ARMC9: variants seen among roughly 807,000 people sequenced by gnomAD.
The protein encoded by ARMC9 is lisH domain-containing protein ARMC9.
In ARMC9, 94 loss-of-function variants were observed where a neutral mutation model predicts 107.0. The ratio of observed to expected loss-of-function variants is 0.88; its 90% CI spans 0.74 to 1.04. ARMC9 has a LOEUF of 1.04. ARMC9 is among the 50% of genes least tolerant of loss of function. The pLI is 0.00. For missense variants in ARMC9, 942 were observed against 1,030.1 expected (o/e 0.91, Z 1.17); for synonymous variants, 380 against 396.9 (o/e 0.96, Z 0.51).
intron 6 of ARMC9, among the ~76,000 whole-genome samples, chr2:231,225,765 G>T (rs918613400): frequency 2.6e-5 from 4 of 152,186 alleles, no homozygotes; most frequent in African/African-American, 9.7e-5. Context: ...GGTTTCTTTT[G>T]GAGGATGATG....
intron 12 of ARMC9, among the ~76,000 whole-genome samples, chr2:231,268,755 T>C (rs1322431417): frequency 6.6e-6 from 1 of 152,176 alleles, no homozygotes; most frequent in Non-Finnish European, 1.5e-5. Context: ...TAGGTTCCAG[T>C]TTTGCTGTAC....
At chr2:231,217,474 G>A (rs1483081210) in intron 5 of ARMC9, among the ~76,000 whole-genome samples, 2 of 151,718 alleles carry the variant, frequency 1.3e-5, no homozygotes, top group African/African-American at 4.8e-5. Flanking sequence ...GGAGGCTGAG[G>A]CAGAACAGTT....
intron 20 of ARMC9, among the ~76,000 whole-genome samples, chr2:231,338,535 C>CTTTTT (rs764466867): frequency 5.7e-5 from 6 of 104,820 alleles, no homozygotes; most frequent in African/African-American, 8.6e-5. Context: ...CCCCAATTCA[C>CTTTTT]TTTTTTTTTT....
chr2:231,290,465 C>A (rs1274304859), intron 17 of ARMC9, among the ~76,000 whole-genome samples: 1 of 152,152 alleles, frequency 6.6e-6, no homozygotes, highest in Non-Finnish European at 1.5e-5. Context: ...CCACTAGATC[C>A]GTTTCTCTGG....
intron 12 of ARMC9, among the ~76,000 whole-genome samples, chr2:231,268,525 G>A (rs2125426395): frequency 6.6e-6 from 1 of 151,934 alleles, no homozygotes; most frequent in Non-Finnish European, 1.5e-5. Flanking sequence ...CTCCTGAATT[G>A]GATCTCTGTT....
intron 21 of ARMC9, among the ~76,000 whole-genome samples, chr2:231,348,417 A>G (rs77571962): frequency 0.08 from 12,229 of 152,266 alleles, 1,454 homozygotes; most frequent in African/African-American, 0.26. Context: ...CTCCATAATT[A>G]TGAGACAAGT....
intron 7 of ARMC9, among the ~76,000 whole-genome samples, chr2:231,227,257 G>A (rs1057218874): frequency 6.6e-6 from 1 of 152,194 alleles, no homozygotes; most frequent in Non-Finnish European, 1.5e-5. Flanking sequence ...CCAGTCTTCA[G>A]TTTGTAGCAT....
intron 19 of ARMC9, among the ~76,000 whole-genome samples, chr2:231,322,857 A>G (rs1255577633): frequency 2.6e-5 from 4 of 152,214 alleles, no homozygotes; most frequent in Non-Finnish European, 5.9e-5. Flanking sequence ...CGAGGCATTT[A>G]TTCTTGAGTA....
rs544020342 is a variant in ARMC9 at position 231,283,096 on chromosome 2, T to C, written c.1626+963T>C. ...GGGAGTGAAGCTGAGGATGGGGCCA[T>C]GTGAGGAAGAGTCACAGTTGCAGGT... On this transcript the variant is annotated intron_variant, in intron 17 of 24. Coordinates refer to ENST00000611582, the MANE Select transcript of ARMC9 (RefSeq NM_001352754.2). 2.0e-5 allele frequency among the ~76,000 whole-genome samples: 3 copies of C among 152,166 alleles called. No individual in the cohort carries two copies. The South Asian group carries it at 6.2e-4, about 32-fold the overall frequency.
chr2:231,337,807 C>A (rs1166429063), intron 20 of ARMC9, among the ~76,000 whole-genome samples: 1 of 152,162 alleles, frequency 6.6e-6, no homozygotes, highest in East Asian at 1.9e-4. Flanking sequence ...GAATCCTTTT[C>A]GTTTGCCATT....
At chr2:231,282,488 G>A (rs924195416) in intron 17 of ARMC9, among the ~76,000 whole-genome samples, 1 of 152,180 alleles carries the variant, frequency 6.6e-6, no homozygotes, top group Non-Finnish European at 1.5e-5. Flanking sequence ...TGTTTAATGT[G>A]TACGTTAACG....
At chr2:231,235,439 C>A in intron 8 of ARMC9, 58 bp downstream of exon 8, 1 of 1,588,012 alleles carries the variant, frequency 6.3e-7, no homozygotes. Flanking sequence ...GGCTTATAGG[C>A]ATGGACTATG....
intron 17 of ARMC9, among the ~76,000 whole-genome samples, chr2:231,282,677 T>G (rs1430297089): frequency 6.6e-6 from 1 of 152,244 alleles, no homozygotes; most frequent in Non-Finnish European, 1.5e-5. Flanking sequence ...ATTTCCACCT[T>G]CAAAACACAG....
intron 17 of ARMC9, chr2:231,288,843 CA>C: frequency 2.6e-6 from 1 of 383,014 alleles, no homozygotes; most frequent in South Asian, 2.1e-5. Context: ...CCTAGTCAGA[CA>C]TCTGCACATG....
intron 19 of ARMC9, among the ~76,000 whole-genome samples, chr2:231,310,784 A>T (rs1337615215): frequency 1.3e-5 from 2 of 151,946 alleles, no homozygotes; most frequent in Non-Finnish European, 2.9e-5. Context: ...TGCTAGGGGC[A>T]GTCCAATCTT....
chr2:231,234,005 T>C (rs1379993636), intron 7 of ARMC9, among the ~76,000 whole-genome samples: 2 of 152,216 alleles, frequency 1.3e-5, no homozygotes, highest in African/African-American at 2.4e-5. Flanking sequence ...CAGAGTTAAA[T>C]ATTTTATCTG....
At chr2:231,363,627 C>G (rs1481041108) in intron 23 of ARMC9, among the ~76,000 whole-genome samples, 2 of 152,186 alleles carry the variant, frequency 1.3e-5, no homozygotes, top group East Asian at 3.8e-4. Context: ...TGGCTCACGC[C>G]TGTAATCCCA....
chr2:231,350,633 A>T (rs2125587463), intron 21 of ARMC9, among the ~76,000 whole-genome samples: 1 of 144,752 alleles, frequency 6.9e-6, no homozygotes, highest in South Asian at 2.1e-4. Context: ...AAAAAAAAAA[A>T]AAGAAAAAGA....
At chr2:231,223,778 C>T (rs1338653100) in intron 6 of ARMC9, among the ~76,000 whole-genome samples, 7 of 152,300 alleles carry the variant, frequency 4.6e-5, no homozygotes, top group Non-Finnish European at 1.0e-4. Flanking sequence ...CTGAGCCGAA[C>T]GGACTGATCT....
Sources: gnomAD v4.1 joint callset for allele counts (sites outside exome capture counted in the v4.1 genomes callset) on GRCh38, gnomAD v4.1.1 for gene constraint, MANE v1.5 for transcripts, NCBI Gene and HGNC (gene_info 2026-07-23, HGNC 2026-07-21) for gene names.